SESN3: variants seen among roughly 807,000 people sequenced by gnomAD.
SESN3 encodes the protein sestrin 3, also known as sestrin-3.
A neutral mutation model predicts 55.3 loss-of-function variants in SESN3; 21 were observed. That is an observed-to-expected ratio of 0.38 (90% confidence interval 0.27 to 0.55). The LOEUF (loss-of-function observed/expected upper bound fraction) is 0.55, where lower values mean the gene tolerates loss of function less well. Ranked by LOEUF, SESN3 falls within the 20% of genes least tolerant of loss-of-function variation. The pLI is 0.76. For synonymous variants in SESN3, 181 were observed against 203.1 expected (o/e 0.89, Z 0.93); for missense variants, 408 against 604.3 (o/e 0.68, Z 3.41).
intron 1 of SESN3, among the ~76,000 whole-genome samples, chr11:95,218,354 C>T (rs1860798344): frequency 6.6e-6 from 1 of 152,226 alleles, no homozygotes; most frequent in African/African-American, 2.4e-5. Flanking sequence ...AGTTGCAAGT[C>T]ATCACGCTAC....
intron 2 of SESN3, 130 bp from the exon 3 acceptor site, chr11:95,191,731 T>C (rs1409863448): frequency 1.5e-6 from 1 of 657,838 alleles, no homozygotes; most frequent in Non-Finnish European, 2.6e-6. Flanking sequence ...ATTATGCAGT[T>C]GCTCATACTG....
intron 1 of SESN3, among the ~76,000 whole-genome samples, chr11:95,223,119 G>A (rs921269489): frequency 6.6e-6 from 1 of 152,002 alleles, no homozygotes; most frequent in Non-Finnish European, 1.5e-5. Context: ...GTAGTTGCTG[G>A]CTGTCATAGC....
At chr11:95,188,247 ATATT>A (rs1410005067) in intron 4 of SESN3, among the ~76,000 whole-genome samples, 3 of 151,736 alleles carry the variant, frequency 2.0e-5, no homozygotes, top group African/African-American at 7.2e-5. Context: ...GATATTACGT[ATATT>A]TATTTGTAAA....
In SESN3 at chr11:95,230,288, G is replaced by A. The variant is rs1214186710; in HGVS notation, c.78+495C>T. ...AAACAATTTGAAAACGGGGGTTGTTGAGCAAGGCGCGCAAGGCAGAAGCAA... is the reference window on the plus strand; with the variant it reads ...AAACAATTTGAAAACGGGGGTTGTTAAGCAAGGCGCGCAAGGCAGAAGCAA... On this transcript the variant is annotated intron_variant, in intron 1 of 9. Transcript: ENST00000536441. This position sits in a 1 kb window ranked among gnomAD's most constrained non-coding sequence, Gnocchi z 4.6. 1.3e-5 allele frequency: 2 copies of A among 155,378 alleles called. No individual in the cohort carries two copies. The highest frequency in any genetic ancestry group is 3.6e-4 in the South Asian group (2 of 5,536). 9.6% of individuals were successfully genotyped at this position (155,378 alleles called of 1,614,324 possible).
chr11:95,169,736 A>AT lies in SESN3; in HGVS notation c.*3518dup, dbSNP rs1254483707. ...AAGTACAGATCTTTAATTGTTGATC[A>AT]TTTTATTTTGCTGTGGCACAGAAAT... On this transcript the variant is annotated 3_prime_UTR_variant, in exon 10 of 10. Coordinates refer to ENST00000536441, the MANE Select transcript of SESN3 (RefSeq NM_144665.4). 6.6e-6 allele frequency: 1 copy of AT among 152,128 alleles called. No individual in the cohort carries two copies. Among genetic ancestry groups the AT allele is most frequent in the Non-Finnish European group, 1.5e-5 (1 of 67,998 alleles). The allele number at this position is 152,128 out of a possible 1,614,324, so 9.4% of individuals were successfully genotyped here.
chr11:95,195,935 C>T (rs1037929318), intron 1 of SESN3, among the ~76,000 whole-genome samples: 1 of 152,094 alleles, frequency 6.6e-6, no homozygotes, highest in Admixed American at 6.6e-5. Flanking sequence ...TTATTGTATG[C>T]TTCTTTGTAG....
rs192054223 is a variant in SESN3, at chr11:95,192,949, T to C, written c.144+508A>G. 8.0e-5 allele frequency among the ~76,000 whole-genome samples: 11 copies of C among 136,882 alleles called. No individual in the cohort carries two copies. The East Asian group carries it at 2.3e-3, about 29-fold the overall frequency. The allele number at this position is 136,882 out of a possible 152,430, so 89.8% of individuals were successfully genotyped here. ...ACATTAATAGATTCATATGATGCAA[T>C]AGATCCTAAAAACCAGATTATCCTC... On this transcript the variant is annotated intron_variant, in intron 2 of 9. Transcript: ENST00000536441.
rs75906444 is a variant in SESN3, at chr11:95,214,495, A to G, written c.78+16288T>C. 6.3e-3 allele frequency among the ~76,000 whole-genome samples: 957 copies of G among 152,226 alleles called. 4 individuals are homozygous for G. Among genetic ancestry groups the G allele is most frequent in the Admixed American group, 7.5e-3 (115 of 15,306 alleles). On this transcript the variant is annotated intron_variant, in intron 1 of 9. Transcript: ENST00000536441. Reference sequence around the variant, plus strand: ...TACCTATGGTCCATATATAATACACATGGCTTGGGTTTCTTCTGTTTCAAT... The same window carrying G: ...TACCTATGGTCCATATATAATACACGTGGCTTGGGTTTCTTCTGTTTCAAT...
Position 95,184,457 on chromosome 11 carries a change from C to G in SESN3, c.900G>C (p.Val300=). The G allele has an allele frequency of 6.2e-7, 1 of 1,613,546 alleles. No individual in the cohort carries two copies. Among genetic ancestry groups the G allele is most frequent in the East Asian group, 2.2e-5 (1 of 44,816 alleles). ...ATGAATGAAAAGTATCTCCAGAGAC[C>G]ACAAAAAGACTTTCTTTCTTCTCCT... The part of the protein sequence containing the change: ...FEKEKKESLF[V]VSGDTFHSFP... The change falls in exon 6 of 10, where the codon GTG becomes GTC. Residue 300 remains valine (V), a synonymous_variant. Coordinates refer to ENST00000536441, the MANE Select transcript of SESN3 (RefSeq NM_144665.4).
chr11:95,203,756 G>C (rs986426805), intron 1 of SESN3: 1 of 152,164 alleles, frequency 6.6e-6, no homozygotes, highest in Non-Finnish European at 1.5e-5. Context: ...CAAACGTCTT[G>C]ATGTCAGGAC....
In SESN3 at chr11:95,225,802, A is replaced by C. The variant is rs1193395890; in HGVS notation, c.78+4981T>G. Among the ~76,000 whole-genome samples, 5 of 152,204 alleles carry C rather than the reference A, an allele frequency of 3.3e-5. No individual in the cohort carries two copies. In the South Asian group the frequency reaches 1.0e-3, roughly 32 times the overall value. ...GACTTTTACTTCCATCTCTTCTCCTAAACTAATTAAAAATTTTTGCTTTAC... is the reference window on the plus strand; with the variant it reads ...GACTTTTACTTCCATCTCTTCTCCTCAACTAATTAAAAATTTTTGCTTTAC... On this transcript the variant is annotated intron_variant, in intron 1 of 9. Coordinates refer to ENST00000536441, the MANE Select transcript of SESN3 (RefSeq NM_144665.4).
rs1379677374 is a variant in SESN3 at position 95,166,315 on chromosome 11, A to G, written c.*6940T>C. 6.6e-6 allele frequency: 1 copy of G among 152,188 alleles called. No individual in the cohort carries two copies. Among genetic ancestry groups the G allele is most frequent in the Non-Finnish European group, 1.5e-5 (1 of 68,028 alleles). 9.4% of individuals were successfully genotyped at this position (152,188 alleles called of 1,614,324 possible). On this transcript the variant is annotated 3_prime_UTR_variant, in exon 10 of 10. Transcript: ENST00000536441. ...CAAAGCACAGGACTACAAAGGCAAA[A>G]CATCACAGCTTCTGATTACATTGAA...
At chr11:95,219,221 A>G (rs1860816036) in intron 1 of SESN3, among the ~76,000 whole-genome samples, 1 of 152,258 alleles carries the variant, frequency 6.6e-6, no homozygotes, top group South Asian at 2.1e-4. Flanking sequence ...ATTAATTTCA[A>G]GTAACGTACA....
Position 95,193,601 on chromosome 11 carries a change from G to A in SESN3, c.79-79C>T, listed in dbSNP as rs1447648760. The A allele has an allele frequency of 3.8e-6, 3 of 793,686 alleles. No homozygotes were observed. In the African/African-American group the frequency reaches 5.3e-5, roughly 14 times the overall value. 49.2% of individuals were successfully genotyped at this position (793,686 alleles called of 1,614,324 possible). A position where few individuals can be genotyped will look rare whatever the true frequency, so the allele number is the denominator to read the frequency against. On this transcript the variant is annotated intron_variant, in intron 1 of 9. Coordinates refer to ENST00000536441, the MANE Select transcript of SESN3 (RefSeq NM_144665.4). ...AAATTTGTACACATTTATTGCTAAG[G>A]TACTAAAATAAAGAGAATAAATAAT...
chr11:95,175,406 T>A, intron 9 of SESN3, 92 bp downstream of exon 9: 2 of 1,126,420 alleles, frequency 1.8e-6, no homozygotes, highest in East Asian at 4.9e-5. Context: ...TGGCTATAAT[T>A]TATTAATACT....
chr11:95,214,012 C>T (rs1048669508), intron 1 of SESN3, among the ~76,000 whole-genome samples: 8 of 152,192 alleles, frequency 5.3e-5, no homozygotes, highest in Non-Finnish European at 1.2e-4. Context: ...TCATACCTTA[C>T]TTTTGCCATA....
At chr11:95,223,890 A>G (rs1435299229) in intron 1 of SESN3, among the ~76,000 whole-genome samples, 1 of 152,216 alleles carries the variant, frequency 6.6e-6, no homozygotes, top group African/African-American at 2.4e-5. Context: ...ATAACTGCCC[A>G]TATTTACTGT....
At chr11:95,209,739 A>G (rs569498310) in intron 1 of SESN3, among the ~76,000 whole-genome samples, 2 of 151,144 alleles carry the variant, frequency 1.3e-5, no homozygotes, top group Non-Finnish European at 3.0e-5. Context: ...ATGTTTGGCC[A>G]GGCGTGGTGG....
chr11:95,201,798 C>T (rs1228039672), intron 1 of SESN3, among the ~76,000 whole-genome samples: 1 of 152,082 alleles, frequency 6.6e-6, no homozygotes, highest in Non-Finnish European at 1.5e-5. Context: ...ACAAAGAACA[C>T]ACTTTTTCCA....
Sources: allele counts gnomAD v4.1 joint callset (sites outside exome capture counted in the v4.1 genomes callset), GRCh38; gene constraint gnomAD v4.1.1; non-coding constraint Gnocchi (gnomAD v3.1); transcripts MANE v1.5; gene names NCBI Gene and HGNC (gene_info 2026-07-23, HGNC 2026-07-21).